IL1RAPL1: variants seen among roughly 807,000 people sequenced by gnomAD.
IL1RAPL1 encodes interleukin 1 receptor accessory protein like 1, also known as interleukin-1 receptor accessory protein-like 1.
Under a neutral mutation model 48.4 loss-of-function variants are expected in IL1RAPL1, and 3 were observed. That is an observed-to-expected ratio of 0.06 (90% CI 0.03 to 0.16). IL1RAPL1 has a LOEUF of 0.16. Among genes scored for constraint, IL1RAPL1 ranks in the 10% least tolerant of loss-of-function variants. The pLI is 1.00. For synonymous variants in IL1RAPL1, 185 were observed against 187.7 expected, an observed-to-expected ratio of 0.99 and a Z score of 0.12; for missense variants, 349 against 530.6, an observed-to-expected ratio of 0.66 and a Z score of 3.36.
intron 3 of IL1RAPL1, among the ~76,000 whole-genome samples, chrX:29,374,111 C>T (rs1398478089): frequency 9.6e-6 from 1 of 103,886 alleles, no homozygotes; most frequent in East Asian, 3.0e-4. Flanking sequence ...TTTGTCGTGC[C>T]TCTGCTTGGT....
At chrX:29,853,654 A>T (rs1272517054) in intron 6 of IL1RAPL1, among the ~76,000 whole-genome samples, 1 of 112,069 alleles carries the variant, frequency 8.9e-6, no homozygotes, top group African/African-American at 3.2e-5. Context: ...TATTAAATCG[A>T]TTTAGAAGCA....
intron 5 of IL1RAPL1, among the ~76,000 whole-genome samples, chrX:29,566,516 G>A (rs1434459884): frequency 8.9e-6 from 1 of 112,047 alleles, no homozygotes; most frequent in East Asian, 2.8e-4. Flanking sequence ...AACTAATTGA[G>A]GGATAAATAG....
rs149584885 is a variant in IL1RAPL1 at position 29,064,326 on chromosome X, A to G, written c.83-218612A>G. 6.7e-3 allele frequency among the ~76,000 whole-genome samples: 745 copies of G among 111,568 alleles called. 8 individuals are homozygous for G. The highest frequency in any genetic ancestry group is 0.023 in the African/African-American group (711 of 30,706). On this transcript the variant is annotated intron_variant, in intron 2 of 10. Coordinates refer to ENST00000378993, the MANE Select transcript of IL1RAPL1 (RefSeq NM_014271.4). ...CATGAAATAATTACTGACCAAATATATTTGGGAATATGATTATGCTGAAAG... is the reference window on the plus strand; with the variant it reads ...CATGAAATAATTACTGACCAAATATGTTTGGGAATATGATTATGCTGAAAG...
At chrX:28,667,636 T>G (rs776847283) in intron 1 of IL1RAPL1, among the ~76,000 whole-genome samples, 33 of 112,419 alleles carry the variant, frequency 2.9e-4, no homozygotes, top group Non-Finnish European at 5.1e-4. Flanking sequence ...AATGATGTTC[T>G]GAACCTGTCT....
chrX:29,473,352 G>T (rs1348325486), intron 5 of IL1RAPL1, among the ~76,000 whole-genome samples: 1 of 111,086 alleles, frequency 9.0e-6, no homozygotes, highest in African/African-American at 3.3e-5. Context: ...GAGGTACTAG[G>T]GGTTAAAGCT....
chrX:28,938,025 G>A (rs1398535110), intron 2 of IL1RAPL1, among the ~76,000 whole-genome samples: 2 of 111,019 alleles, frequency 1.8e-5, no homozygotes, highest in Non-Finnish European at 3.8e-5. Flanking sequence ...AGATGACACA[G>A]ACAAATGGGA....
intron 5 of IL1RAPL1, among the ~76,000 whole-genome samples, chrX:29,463,041 G>A (rs4829188): frequency 0.47 from 51,483 of 110,565 alleles, 8,666 homozygotes; most frequent in East Asian, 0.75. Flanking sequence ...GGCTAACATC[G>A]AAAATTCTAA....
intron 5 of IL1RAPL1, among the ~76,000 whole-genome samples, chrX:29,633,466 T>TACACAC (rs753549818): frequency 3.0e-5 from 3 of 98,632 alleles, no homozygotes; most frequent in East Asian, 3.3e-4. Context: ...TCGATATATA[T>TACACAC]ATACACACAC....
chrX:28,705,271 G>A (rs931233017), intron 1 of IL1RAPL1, among the ~76,000 whole-genome samples: 3 of 111,356 alleles, frequency 2.7e-5, no homozygotes, highest in East Asian at 2.8e-4. Context: ...TGACCACAGT[G>A]CCTGGGACAA....
At chrX:29,710,457 G>C (rs1927308865) in intron 6 of IL1RAPL1, among the ~76,000 whole-genome samples, 1 of 107,613 alleles carries the variant, frequency 9.3e-6, no homozygotes, top group Non-Finnish European at 1.9e-5. Flanking sequence ...TTGTTAATAT[G>C]ATATATCACA....
chrX:28,789,512 T>C (rs1184592194), intron 2 of IL1RAPL1, 87 bp downstream of exon 2: 1 of 668,198 alleles, frequency 1.5e-6, no homozygotes, highest in Admixed American at 2.3e-5. Flanking sequence ...GTGGAAAAGT[T>C]GAGAATGATC....
chrX:29,550,513 A>G (rs751777627), intron 5 of IL1RAPL1, among the ~76,000 whole-genome samples: 1 of 112,217 alleles, frequency 8.9e-6, no homozygotes, highest in Admixed American at 9.4e-5. Flanking sequence ...CAAGTAAAGT[A>G]TATGTATTCC....
intron 3 of IL1RAPL1, among the ~76,000 whole-genome samples, chrX:29,388,582 G>T (rs971743676): frequency 8.9e-6 from 1 of 112,264 alleles, no homozygotes; most frequent in African/African-American, 3.2e-5. Context: ...CATACAATGG[G>T]CTAATGTTCA....
At chrX:28,990,537 A>AC (rs1925579156) in intron 2 of IL1RAPL1, among the ~76,000 whole-genome samples, 2 of 111,835 alleles carry the variant, frequency 1.8e-5, no homozygotes, top group African/African-American at 6.5e-5. Flanking sequence ...TTTCCTACTT[A>AC]GTTTTTTCCT....
chrX:28,658,225 T>A (rs987317171), intron 1 of IL1RAPL1, among the ~76,000 whole-genome samples: 11 of 112,464 alleles, frequency 9.8e-5, no homozygotes, highest in East Asian at 5.6e-4. Flanking sequence ...TTAATTAATT[T>A]ATTTATTTTT....
intron 2 of IL1RAPL1, among the ~76,000 whole-genome samples, chrX:28,914,356 G>T (rs1188525768): frequency 9.0e-6 from 1 of 111,451 alleles, no homozygotes; most frequent in Admixed American, 9.6e-5. Context: ...TTTGAAAAAT[G>T]TAAAATGTTC....
intron 2 of IL1RAPL1, among the ~76,000 whole-genome samples, chrX:29,158,381 T>C (rs1480654454): frequency 9.0e-6 from 1 of 111,401 alleles, no homozygotes; most frequent in Admixed American, 9.6e-5. Flanking sequence ...GGTCATTTTT[T>C]TTCTTTTTTT....
At chrX:29,232,939 C>A in intron 2 of IL1RAPL1, among the ~76,000 whole-genome samples, 1 of 109,779 alleles carries the variant, frequency 9.1e-6, no homozygotes, top group East Asian at 2.9e-4. Context: ...GCTGGGGTTA[C>A]AGGCACCCGC....
At chrX:29,905,034 A>G (rs779552395) in intron 6 of IL1RAPL1, among the ~76,000 whole-genome samples, 39 of 111,927 alleles carry the variant, frequency 3.5e-4, no homozygotes, top group Non-Finnish European at 5.8e-4. Flanking sequence ...GCCAGCATCT[A>G]TTGTTTCCTG....
Sources: allele counts gnomAD v4.1 joint callset (sites outside exome capture counted in the v4.1 genomes callset), GRCh38; gene constraint gnomAD v4.1.1; transcripts MANE v1.5; gene names NCBI Gene and HGNC (gene_info 2026-07-23, HGNC 2026-07-21).